PPM1E: variants seen among roughly 807,000 people sequenced by gnomAD.
The protein encoded by PPM1E is protein phosphatase, Mg2+/Mn2+ dependent 1E.
A neutral mutation model predicts 65.9 loss-of-function variants in PPM1E; 20 were observed. The ratio of observed to expected loss-of-function variants is 0.30; its 90% CI spans 0.21 to 0.44. The LOEUF (loss-of-function observed/expected upper bound fraction) is 0.44. Ranked by LOEUF, PPM1E falls within the 20% of genes least tolerant of loss-of-function variation. PPM1E has a pLI of 1.00. For synonymous variants in PPM1E, 352 were observed against 374.9 expected, an observed-to-expected ratio of 0.94 and a Z score of 0.70; for missense variants, 713 against 953.1, an observed-to-expected ratio of 0.75 and a Z score of 3.32.
chr17:58,963,357 A>T (rs1054651868), intron 2 of PPM1E, among the ~76,000 whole-genome samples: 6 of 149,422 alleles, frequency 4.0e-5, no homozygotes, highest in Non-Finnish European at 7.4e-5. Flanking sequence ...ATTGCACTCC[A>T]GCCTGGGCGA....
chr17:58,977,883 T>C (rs940878923), intron 6 of PPM1E, among the ~76,000 whole-genome samples: 5 of 152,092 alleles, frequency 3.3e-5, no homozygotes, highest in African/African-American at 1.2e-4. Flanking sequence ...GCTGGGACTT[T>C]GCATGCATGC....
chr17:58,782,745 G>A (rs1319715007), intron 1 of PPM1E, among the ~76,000 whole-genome samples: 1 of 151,918 alleles, frequency 6.6e-6, no homozygotes, highest in East Asian at 1.9e-4. Context: ...ATTTATAAAA[G>A]ATGAATATAG....
chr17:58,873,897 T>C (rs866742873), intron 1 of PPM1E, among the ~76,000 whole-genome samples: 55 of 151,714 alleles, frequency 3.6e-4, no homozygotes, highest in African/African-American at 1.3e-3. Context: ...GTGCCCGGCC[T>C]AGTGTTAATT....
At chr17:58,820,779 T>C (rs1448593089) in intron 1 of PPM1E, among the ~76,000 whole-genome samples, 3 of 152,158 alleles carry the variant, frequency 2.0e-5, no homozygotes, top group African/African-American at 4.8e-5. Context: ...TTAAAATAAA[T>C]GTATTTAAAT....
At chr17:58,843,199 G>A (rs2050737429) in intron 1 of PPM1E, among the ~76,000 whole-genome samples, 2 of 151,390 alleles carry the variant, frequency 1.3e-5, no homozygotes, top group Admixed American at 1.3e-4. Flanking sequence ...AACCTGGGAG[G>A]CAGAGAACCT....
intron 1 of PPM1E, among the ~76,000 whole-genome samples, chr17:58,807,066 T>A (rs2050323237): frequency 6.6e-6 from 1 of 152,076 alleles, no homozygotes; most frequent in Admixed American, 6.6e-5. Context: ...TTAGTAGAGG[T>A]CTTCAAATCT....
intron 1 of PPM1E, among the ~76,000 whole-genome samples, chr17:58,879,151 C>T (rs1169611504): frequency 6.6e-6 from 1 of 151,932 alleles, no homozygotes. Flanking sequence ...AGTGAAGGAT[C>T]TTAATCTCAT....
At chr17:58,794,253 A>AT (rs949860278) in intron 1 of PPM1E, among the ~76,000 whole-genome samples, 41 of 149,598 alleles carry the variant, frequency 2.7e-4, no homozygotes, top group Non-Finnish European at 2.8e-4. Context: ...CCAATTTTTA[A>AT]TTTTTTTTTA....
At chr17:58,762,241 G>A (rs1457235695) in intron 1 of PPM1E, among the ~76,000 whole-genome samples, 1 of 152,106 alleles carries the variant, frequency 6.6e-6, no homozygotes, top group Non-Finnish European at 1.5e-5. Context: ...GCTCATTCCT[G>A]TAATCCCAAC....
At chr17:58,802,533 T>G (rs567102109) in intron 1 of PPM1E, among the ~76,000 whole-genome samples, 1 of 152,166 alleles carries the variant, frequency 6.6e-6, no homozygotes, top group Non-Finnish European at 1.5e-5. Context: ...GTTGTACTAT[T>G]AATATACAAA....
At chr17:58,970,579 G>C (rs1452758462) in intron 4 of PPM1E, among the ~76,000 whole-genome samples, 3 of 152,132 alleles carry the variant, frequency 2.0e-5, no homozygotes, top group African/African-American at 7.2e-5. Context: ...TGATAGCATA[G>C]TTATGCTACA....
intron 1 of PPM1E, among the ~76,000 whole-genome samples, chr17:58,897,143 G>A (rs1169743419): frequency 3.3e-5 from 5 of 152,108 alleles, no homozygotes; most frequent in South Asian, 2.1e-4. Flanking sequence ...GGCCGGGCGC[G>A]GTGGCTCACG....
intron 1 of PPM1E, among the ~76,000 whole-genome samples, chr17:58,847,299 C>G (rs2050781446): frequency 6.6e-6 from 1 of 152,136 alleles, no homozygotes; most frequent in African/African-American, 2.4e-5. Context: ...TCAATTTTGG[C>G]TTTTGTTGCC....
At chr17:58,823,631 A>G (rs2143145550) in intron 1 of PPM1E, among the ~76,000 whole-genome samples, 1 of 152,338 alleles carries the variant, frequency 6.6e-6, no homozygotes, top group South Asian at 2.1e-4. Context: ...TGTCTGCAAA[A>G]TTAATCTGCA....
chr17:58,835,217 TGTA>T (rs2050643198), intron 1 of PPM1E, among the ~76,000 whole-genome samples: 2 of 152,054 alleles, frequency 1.3e-5, no homozygotes, highest in African/African-American at 4.8e-5. Flanking sequence ...GGCACGTGCC[TGTA>T]GTCCCAGCTA....
Position 58,983,471 on chromosome 17 carries a change from G to C in PPM1E, c.*2440G>C, listed in dbSNP as rs1228776192. On this transcript the variant is annotated 3_prime_UTR_variant, in exon 7 of 7. Coordinates refer to ENST00000308249, the MANE Select transcript of PPM1E (RefSeq NM_014906.5). ...TCTCTCTTAACGCCACTGGTGATAG[G>C]AAGTAGTTCCCTTCAGTTCAAATCC... 2 of 152,666 alleles carry C rather than the reference G, an allele frequency of 1.3e-5. No homozygotes were observed. Among genetic ancestry groups the C allele is most frequent in the South Asian group, 2.1e-4 (1 of 4,832 alleles). The allele number at this position is 152,666 out of a possible 1,614,324, so 9.5% of individuals were successfully genotyped here.
intron 1 of PPM1E, among the ~76,000 whole-genome samples, chr17:58,927,227 C>T (rs1015738332): frequency 2.0e-5 from 3 of 150,384 alleles, no homozygotes; most frequent in South Asian, 4.2e-4. Context: ...CCTGGGTTCA[C>T]GCCATTCTCC....
rs185991763 is a variant in PPM1E at position 58,829,278 on chromosome 17, G to A, written c.464+72817G>A. On this transcript the variant is annotated intron_variant, in intron 1 of 6. Coordinates refer to ENST00000308249, the MANE Select transcript of PPM1E (RefSeq NM_014906.5). ...GCTGGTCTCAAACTCCCAACCTCAGGTGATCCGTCTGCCTCGGCCTCCCAA... is the reference window on the plus strand; with the variant it reads ...GCTGGTCTCAAACTCCCAACCTCAGATGATCCGTCTGCCTCGGCCTCCCAA... Among the ~76,000 whole-genome samples, 3 of 152,246 alleles carry A rather than the reference G, an allele frequency of 2.0e-5. No individual in the cohort carries two copies. The East Asian group carries it at 5.8e-4, about 29-fold the overall frequency.
At chr17:58,827,594 C>T (rs2050552063) in intron 1 of PPM1E, among the ~76,000 whole-genome samples, 2 of 151,734 alleles carry the variant, frequency 1.3e-5, no homozygotes, top group African/African-American at 4.8e-5. Flanking sequence ...ACATGAGAAC[C>T]TATAAATTTA....
Sources: allele counts gnomAD v4.1 joint callset (sites outside exome capture counted in the v4.1 genomes callset), GRCh38; gene constraint gnomAD v4.1.1; transcripts MANE v1.5; gene names NCBI Gene and HGNC (gene_info 2026-07-23, HGNC 2026-07-21).